Variants in SDK1 observed in about 807,000 individuals in gnomAD.
SDK1 encodes sidekick cell adhesion molecule 1.
SDK1 carries 157 observed loss-of-function variants against 245.5 expected under a neutral mutation model. The ratio of observed to expected loss-of-function variants is 0.64; its 90% CI spans 0.56 to 0.73. The LOEUF is 0.73. SDK1 is among the 30% of genes least tolerant of loss of function. The probability of loss-of-function intolerance (pLI) is 0.00; values close to 1 mark genes in which losing one functional copy is unlikely to be tolerated. For missense variants in SDK1, 3,583 were observed against 3,002.3 expected (o/e 1.19, Z -4.52); for synonymous variants, 1,647 against 1,278.5 (o/e 1.29, Z -6.15).
chr7:3,774,072 A>G lies in SDK1; in HGVS notation c.714-47378A>G, dbSNP rs562295491. 1.8e-4 allele frequency among the ~76,000 whole-genome samples: 27 copies of G among 152,166 alleles called. No individual in the cohort carries two copies. The South Asian group carries it at 2.5e-3, about 14-fold the overall frequency. On this transcript the variant is annotated intron_variant, in intron 4 of 44. Coordinates refer to ENST00000404826, the MANE Select transcript of SDK1 (RefSeq NM_152744.4). The stretch of plus-strand genomic sequence containing the variant: ...TACTAAAAATACAAAAAAATTAGCC[A>G]GGCATGGTGGCGGGTGCCTGTAGTC...
intron 4 of SDK1, among the ~76,000 whole-genome samples, chr7:3,645,699 G>C (rs544319499): frequency 6.6e-6 from 1 of 152,208 alleles, no homozygotes; most frequent in East Asian, 1.9e-4. Flanking sequence ...GAAGATGGGA[G>C]GGTATCTCTG....
At chr7:4,092,019 T>C (rs36044400) in intron 22 of SDK1, among the ~76,000 whole-genome samples, 44,161 of 151,908 alleles carry the variant, frequency 0.29, 7,970 homozygotes, top group African/African-American at 0.51. Context: ...GTCGGGCGTG[T>C]AGACACAAGC....
In SDK1 at chr7:4,130,008, T is replaced by G. The variant is rs1453124325; in HGVS notation, c.4040T>G (p.Val1347Gly). Residue 1347 changes from valine to glycine, a missense_variant, in exon 27 of 45, where the codon GTG (valine) becomes GGG (glycine). Val to Gly is a moderately radical substitution (Grantham distance 109). Coordinates refer to ENST00000404826, the MANE Select transcript of SDK1 (RefSeq NM_152744.4). ...CTGCTGGCAGGCCTGCGCAAGTTCG[T>G]GCTCTACGAGCTCCAGGTGCTGGCG... ...SALLAGLRKFVLYELQVLAFT... is the reference protein window; with the variant it reads ...SALLAGLRKFGLYELQVLAFT... 3 of 1,613,530 alleles carry G rather than the reference T, an allele frequency of 1.9e-6. No individual in the cohort carries two copies. The highest frequency in any genetic ancestry group is 2.5e-6 in the Non-Finnish European group (3 of 1,179,948).
At chr7:4,104,043 T>C (rs1490323624) in intron 22 of SDK1, among the ~76,000 whole-genome samples, 1 of 152,250 alleles carries the variant, frequency 6.6e-6, no homozygotes, top group Non-Finnish European at 1.5e-5. Flanking sequence ...CGGAGTTTGC[T>C]GACTGCAGTA....
At chr7:3,931,651 C>G (rs1173777369) in intron 5 of SDK1, among the ~76,000 whole-genome samples, 1 of 152,196 alleles carries the variant, frequency 6.6e-6, no homozygotes, top group Admixed American at 6.5e-5. Context: ...GTGATATTTG[C>G]TCAGCATCCC....
chr7:3,453,575 C>G (rs928176284), intron 1 of SDK1, among the ~76,000 whole-genome samples: 1 of 152,022 alleles, frequency 6.6e-6, no homozygotes, highest in Non-Finnish European at 1.5e-5. Flanking sequence ...ATTGCAGTGG[C>G]GACCACACAG....
intron 4 of SDK1, among the ~76,000 whole-genome samples, chr7:3,767,392 G>A (rs112248205): frequency 0.021 from 3,165 of 152,238 alleles, 124 homozygotes; most frequent in African/African-American, 0.071. Flanking sequence ...AAAAAGTGCC[G>A]AGTGGTCCTG....
intron 1 of SDK1, among the ~76,000 whole-genome samples, chr7:3,323,829 T>G (rs1779876812): frequency 6.6e-6 from 1 of 152,212 alleles, no homozygotes; most frequent in Admixed American, 6.5e-5. Context: ...GGGCAGAACA[T>G]TTTTGAATTC....
intron 20 of SDK1, among the ~76,000 whole-genome samples, chr7:4,074,509 G>T (rs1025650559): frequency 1.3e-5 from 2 of 152,100 alleles, no homozygotes; most frequent in African/African-American, 4.8e-5. Context: ...AATGGGGCAG[G>T]CTAGATGTCT....
chr7:3,452,272 G>C (rs971114293), intron 1 of SDK1, among the ~76,000 whole-genome samples: 3 of 152,136 alleles, frequency 2.0e-5, no homozygotes, highest in African/African-American at 7.2e-5. Context: ...AGATACCCCA[G>C]ATTCTTAGGT....
At chr7:3,376,619 C>A (rs1562449496) in intron 1 of SDK1, among the ~76,000 whole-genome samples, 1 of 152,272 alleles carries the variant, frequency 6.6e-6, no homozygotes, top group East Asian at 1.9e-4. Flanking sequence ...TAAAGAGATT[C>A]CTTGATTGGC....
intron 43 of SDK1, 148 bp downstream of exon 43, chr7:4,242,061 AC>A: frequency 2.3e-6 from 2 of 879,764 alleles, no homozygotes; most frequent in Non-Finnish European, 3.4e-6. Context: ...CTCCCAAACC[AC>A]CAGGGGCAGC....
chr7:3,649,443 T>G (rs1015412777), intron 4 of SDK1, among the ~76,000 whole-genome samples: 1 of 151,984 alleles, frequency 6.6e-6, no homozygotes, highest in Non-Finnish European at 1.5e-5. Context: ...TCTGCCCTCC[T>G]GCTTGTCTAA....
At chr7:3,479,446 A>G (rs1007415265) in intron 1 of SDK1, among the ~76,000 whole-genome samples, 5 of 146,528 alleles carry the variant, frequency 3.4e-5, no homozygotes, top group Non-Finnish European at 7.5e-5. Flanking sequence ...AAAAAAAAAG[A>G]ATATCTATTG....
intron 43 of SDK1, among the ~76,000 whole-genome samples, chr7:4,244,769 C>T (rs1224611788): frequency 6.6e-6 from 1 of 151,962 alleles, no homozygotes; most frequent in Non-Finnish European, 1.5e-5. Flanking sequence ...TTCTTCCAAG[C>T]TCATTCAGCC....
chr7:4,230,374 A>G (rs945608695), intron 40 of SDK1, among the ~76,000 whole-genome samples: 8 of 129,694 alleles, frequency 6.2e-5, no homozygotes, highest in African/African-American at 2.3e-4. Flanking sequence ...AGATGGATGG[A>G]TGGCTAGAGG....
intron 4 of SDK1, among the ~76,000 whole-genome samples, chr7:3,801,932 T>G (rs1779116936): frequency 6.6e-6 from 1 of 152,222 alleles, no homozygotes; most frequent in South Asian, 2.1e-4. Flanking sequence ...TGAAACAGCT[T>G]GTTAGTTTTA....
rs76992655 is a variant in SDK1 at position 3,901,759 on chromosome 7, C to G, written c.848-49164C>G. Among the ~76,000 whole-genome samples the G allele has an allele frequency of 4.8e-3, 724 of 152,334 alleles. 4 individuals carry two copies. Among genetic ancestry groups the G allele is most frequent in the African/African-American group, 0.016 (685 of 41,560 alleles). On this transcript the variant is annotated intron_variant, in intron 5 of 44. Transcript: ENST00000404826. ...TACCACGATGTTTGTGTCCTAACTTCTACCATCCTTTGTGTGTTTATTAGG... is the reference window on the plus strand; with the variant it reads ...TACCACGATGTTTGTGTCCTAACTTGTACCATCCTTTGTGTGTTTATTAGG...
chr7:3,886,944 C>T (rs1781352586), intron 5 of SDK1, among the ~76,000 whole-genome samples: 1 of 152,170 alleles, frequency 6.6e-6, no homozygotes, highest in Non-Finnish European at 1.5e-5. Context: ...AGTGCCAAGC[C>T]TCCTTGCATC....
Sources: allele counts gnomAD v4.1 joint callset (sites outside exome capture counted in the v4.1 genomes callset), GRCh38; gene constraint gnomAD v4.1.1; transcripts MANE v1.5; gene names NCBI Gene and HGNC (gene_info 2026-07-23, HGNC 2026-07-21).